The following SLC35F4 variants were observed in gnomAD, a reference collection of about 807,000 sequenced individuals.
The protein encoded by SLC35F4 is solute carrier family 35 member F4.
Under a neutral mutation model 44.2 loss-of-function variants are expected in SLC35F4, and 24 were observed. That is an observed-to-expected ratio of 0.54 (90% CI 0.39 to 0.76). The LOEUF (loss-of-function observed/expected upper bound fraction) is 0.76, where lower values mean the gene tolerates loss of function less well. SLC35F4 is among the 30% of genes least tolerant of loss of function. The probability of loss-of-function intolerance (pLI) is 0.00; values close to 1 mark genes in which losing one functional copy is unlikely to be tolerated. For missense variants in SLC35F4, 562 were observed against 586.1 expected (o/e 0.96, Z 0.42); for synonymous variants, 238 against 223.6 (o/e 1.06, Z -0.57).
intron 1 of SLC35F4, among the ~76,000 whole-genome samples, chr14:57,764,503 G>C (rs1235999526): frequency 6.6e-6 from 1 of 152,170 alleles, no homozygotes; most frequent in Non-Finnish European, 1.5e-5. Flanking sequence ...AAAATAATTA[G>C]GTCTTTCAAG....
intron 1 of SLC35F4, among the ~76,000 whole-genome samples, chr14:57,903,847 C>T (rs808212): frequency 0.2 from 30,002 of 152,142 alleles, 3,187 homozygotes; most frequent in South Asian, 0.23. Context: ...CTCATTTCCA[C>T]AGGCCTTCTT....
At chr14:57,667,118 AT>A (rs2074336418) in intron 1 of SLC35F4, among the ~76,000 whole-genome samples, 1 of 151,062 alleles carries the variant, frequency 6.6e-6, no homozygotes, top group Non-Finnish European at 1.5e-5. Flanking sequence ...TAAAGAAAGC[AT>A]TAAAATCACC....
chr14:57,702,061 A>C (rs972610859), intron 1 of SLC35F4, among the ~76,000 whole-genome samples: 2 of 152,210 alleles, frequency 1.3e-5, no homozygotes, highest in African/African-American at 4.8e-5. Context: ...TTTGGAAAAC[A>C]GGATGCTTCA....
At chr14:57,614,508 A>C (rs1012750431) in intron 1 of SLC35F4, among the ~76,000 whole-genome samples, 1 of 152,180 alleles carries the variant, frequency 6.6e-6, no homozygotes, top group Non-Finnish European at 1.5e-5. Context: ...TTCATGAGTA[A>C]AGTTGTTATT....
chr14:57,925,383 C>T (rs905774100), intron 1 of SLC35F4, among the ~76,000 whole-genome samples: 2 of 151,828 alleles, frequency 1.3e-5, no homozygotes, highest in African/African-American at 4.8e-5. Flanking sequence ...TAAGAACTTA[C>T]TCCCAGTGGT....
At chr14:57,588,357 A>ATTT (rs60172708) in intron 3 of SLC35F4, among the ~76,000 whole-genome samples, 2,012 of 150,684 alleles carry the variant, frequency 0.013, 47 homozygotes, top group African/African-American at 0.046. Flanking sequence ...TGGTGTCCCT[A>ATTT]TTTTTTTTTC....
intron 4 of SLC35F4, 186 bp downstream of exon 4, chr14:57,581,028 C>T (rs909349560): frequency 8.6e-6 from 4 of 466,050 alleles, no homozygotes; most frequent in Non-Finnish European, 1.4e-5. Context: ...TGGAAACAAA[C>T]TGTTTATCCT....
At chr14:57,893,135 T>C (rs17093849) in intron 1 of SLC35F4, among the ~76,000 whole-genome samples, 18,375 of 152,104 alleles carry the variant, frequency 0.12, 1,356 homozygotes, top group East Asian at 0.4. Flanking sequence ...AGAAGCTCTA[T>C]GGAAGGCCAA....
At chr14:57,696,921 G>A (rs918336635) in intron 1 of SLC35F4, among the ~76,000 whole-genome samples, 3 of 152,140 alleles carry the variant, frequency 2.0e-5, no homozygotes, top group Admixed American at 2.0e-4. Flanking sequence ...CCTGTCCGGG[G>A]TTGTGGGGGA....
intron 1 of SLC35F4, among the ~76,000 whole-genome samples, chr14:57,766,081 TGA>T (rs2077228023): frequency 6.6e-6 from 1 of 152,220 alleles, no homozygotes; most frequent in African/African-American, 2.4e-5. Flanking sequence ...CAGCTCTTGA[TGA>T]GTTAGTTGGG....
chr14:57,941,635 T>C (rs1180334367), intron 1 of SLC35F4, among the ~76,000 whole-genome samples: 3 of 152,208 alleles, frequency 2.0e-5, no homozygotes, highest in African/African-American at 7.2e-5. Flanking sequence ...TTCAATATCA[T>C]GTATGTACTA....
At chr14:57,728,302 C>T (rs1244642645) in intron 1 of SLC35F4, among the ~76,000 whole-genome samples, 1 of 152,020 alleles carries the variant, frequency 6.6e-6, no homozygotes, top group Non-Finnish European at 1.5e-5. Flanking sequence ...TTCTTGTAGG[C>T]AACAAAGCAT....
chr14:57,922,749 T>A (rs1203994978), intron 1 of SLC35F4, among the ~76,000 whole-genome samples: 1 of 152,174 alleles, frequency 6.6e-6, no homozygotes, highest in African/African-American at 2.4e-5. Flanking sequence ...CACTGGCTAG[T>A]TCTGTGACCT....
intron 1 of SLC35F4, among the ~76,000 whole-genome samples, chr14:57,765,288 T>C (rs553689210): frequency 2.0e-4 from 30 of 152,332 alleles, no homozygotes; most frequent in African/African-American, 6.0e-4. Flanking sequence ...GCTCGTGCTG[T>C]GAACTGTCCT....
At chr14:57,817,243 C>T (rs1882696683) in intron 1 of SLC35F4, among the ~76,000 whole-genome samples, 1 of 152,192 alleles carries the variant, frequency 6.6e-6, no homozygotes, top group African/African-American at 2.4e-5. Context: ...AAATCTCTAA[C>T]AGATCTCTTA....
intron 1 of SLC35F4, among the ~76,000 whole-genome samples, chr14:57,946,364 AC>A (rs1890025723): frequency 2.0e-5 from 3 of 151,758 alleles, no homozygotes; most frequent in African/African-American, 7.3e-5. Flanking sequence ...TTATCCCAGC[AC>A]TTTTTGTTAA....
At chr14:57,634,744 A>G (rs1166863952) in intron 1 of SLC35F4, among the ~76,000 whole-genome samples, 1 of 152,150 alleles carries the variant, frequency 6.6e-6, no homozygotes, top group Non-Finnish European at 1.5e-5. Context: ...TTTGTTGTTT[A>G]AAAAGATCAC....
intron 1 of SLC35F4, among the ~76,000 whole-genome samples, chr14:57,636,613 T>C (rs532976283): frequency 6.6e-6 from 1 of 152,234 alleles, no homozygotes; most frequent in East Asian, 1.9e-4. Flanking sequence ...AATTATGTAT[T>C]AAACACTTGC....
At chr14:57,679,298 CA>C (rs2074808140) in intron 1 of SLC35F4, among the ~76,000 whole-genome samples, 1 of 152,038 alleles carries the variant, frequency 6.6e-6, no homozygotes, top group Non-Finnish European at 1.5e-5. Context: ...GAAATGAAGG[CA>C]GAAATAAATA....
Sources: allele counts gnomAD v4.1 joint callset (sites outside exome capture counted in the v4.1 genomes callset), GRCh38; gene constraint gnomAD v4.1.1; transcripts MANE v1.5; gene names NCBI Gene and HGNC (gene_info 2026-07-23, HGNC 2026-07-21).